The following ERG variants were observed in gnomAD, a reference collection of about 807,000 sequenced individuals.
ERG encodes ETS transcription factor ERG.
ERG carries 9 observed loss-of-function variants against 55.3 expected under a neutral mutation model. That is an observed-to-expected ratio of 0.16 (90% CI 0.10 to 0.28). ERG has a LOEUF of 0.28. Ranked by LOEUF, ERG falls within the 10% of genes least tolerant of loss-of-function variation. The pLI, the probability that ERG is intolerant of heterozygous loss-of-function variation, is 1.00. For synonymous variants in ERG, 223 were observed against 237.3 expected (o/e 0.94, Z 0.55); for missense variants, 434 against 631.6 (o/e 0.69, Z 3.35).
At chr21:38,397,672 G>A (rs954569025) in intron 6 of ERG, among the ~76,000 whole-genome samples, 5 of 151,902 alleles carry the variant, frequency 3.3e-5, no homozygotes, top group African/African-American at 1.2e-4. Flanking sequence ...AGTAACCCAG[G>A]GATGGGTGAC....
chr21:38,447,345 G>A (rs1467657812), intron 1 of ERG, among the ~76,000 whole-genome samples: 2 of 151,406 alleles, frequency 1.3e-5, no homozygotes, highest in Non-Finnish European at 2.9e-5. Flanking sequence ...TGACACCCTG[G>A]GAAAGACTAA....
chr21:38,493,670 T>C (rs1299916977), intron 1 of ERG, among the ~76,000 whole-genome samples: 1 of 152,210 alleles, frequency 6.6e-6, no homozygotes, highest in Admixed American at 6.5e-5. Context: ...TCCAGCAGCC[T>C]CGGCTCAGAA....
chr21:38,445,585 A>G lies in ERG; in HGVS notation c.55T>C (p.Phe19Leu). ...TGTGGCGTTCCGTAGGCACACTCAA[A>G]CAACGACTGGTCCTCACTCACAACT... is the stretch of plus-strand genomic sequence containing the variant. ...LSVVSEDQSL[F>L]ECAYGTPHLA... The change falls in exon 2 of 10, where the codon TTT (phenylalanine) becomes CTT (leucine). Residue 19 changes from phenylalanine to leucine, a missense_variant. Phe to Leu is a conservative substitution (Grantham distance 22). This residue lies in a region of ERG where 212 missense variants were observed against 262.9 expected (regional missense o/e 0.81). Transcript: ENST00000288319. 2 of 1,614,054 alleles carry G rather than the reference A, an allele frequency of 1.2e-6. No homozygotes were observed. Among genetic ancestry groups the G allele is most frequent in the Non-Finnish European group, 1.7e-6 (2 of 1,179,978 alleles).
At chr21:38,480,409 G>C (rs2059226481) in intron 1 of ERG, among the ~76,000 whole-genome samples, 1 of 151,828 alleles carries the variant, frequency 6.6e-6, no homozygotes, top group Non-Finnish European at 1.5e-5. Flanking sequence ...CTCCAGAAGG[G>C]ACCAACCCAG....
chr21:38,444,612 A>G (rs1411244269), intron 2 of ERG, among the ~76,000 whole-genome samples: 2 of 152,098 alleles, frequency 1.3e-5, no homozygotes, highest in Non-Finnish European at 2.9e-5. Flanking sequence ...GGCCAGGGAC[A>G]GTTCTGCATT....
At chr21:38,642,468 C>CTGCCCCAGCCAA (rs6147506) in intron 1 of ERG, among the ~76,000 whole-genome samples, 123,135 of 151,690 alleles carry the variant, frequency 0.81, 50,369 homozygotes, top group African/African-American at 0.93. Flanking sequence ...ACACCCCACC[C>CTGCCCCAGCCAA]TAAATCCATA....
intron 2 of ERG, among the ~76,000 whole-genome samples, chr21:38,536,816 A>C (rs2146785476): frequency 6.6e-6 from 1 of 152,352 alleles, no homozygotes; most frequent in East Asian, 1.9e-4. Context: ...TTGCAAGTTA[A>C]GTCTTCGCAT....
chr21:38,553,609 C>T (rs2146821729), intron 2 of ERG, among the ~76,000 whole-genome samples: 1 of 152,266 alleles, frequency 6.6e-6, no homozygotes, highest in East Asian at 1.9e-4. Flanking sequence ...ATAAATAGTG[C>T]TTGGATAACT....
intron 1 of ERG, among the ~76,000 whole-genome samples, chr21:38,583,144 T>C (rs2060040268): frequency 6.6e-6 from 1 of 152,258 alleles, no homozygotes; most frequent in Non-Finnish European, 1.5e-5. Context: ...GGTGCACTTG[T>C]CCTGGATGAG....
chr21:38,602,183 G>A (rs8128621), intron 1 of ERG, among the ~76,000 whole-genome samples: 35,617 of 152,056 alleles, frequency 0.23, 4,433 homozygotes, highest in East Asian at 0.38. Context: ...GGTGGCTCAC[G>A]CCTGTAATCC....
intron 1 of ERG, among the ~76,000 whole-genome samples, chr21:38,599,747 C>G (rs915118096): frequency 6.6e-6 from 1 of 152,212 alleles, no homozygotes; most frequent in African/African-American, 2.4e-5. Context: ...TTCACTGTAT[C>G]TAGAAGTGAC....
chr21:38,566,084 GA>G (rs2059921004), intron 2 of ERG, among the ~76,000 whole-genome samples: 1 of 152,168 alleles, frequency 6.6e-6, no homozygotes, highest in Non-Finnish European at 1.5e-5. Context: ...AGTGCTCTCA[GA>G]TACTTCCTGG....
upstream of ERG, among the ~76,000 whole-genome samples, chr21:38,586,437 T>C (rs541668031): frequency 3.3e-5 from 5 of 152,186 alleles, no homozygotes; most frequent in South Asian, 1.0e-3. Flanking sequence ...CTAACTGAAA[T>C]TTTGTGTCCT....
At chr21:38,407,555 T>C (rs1201341027) in intron 3 of ERG, among the ~76,000 whole-genome samples, 1 of 150,306 alleles carries the variant, frequency 6.7e-6, no homozygotes, top group Admixed American at 6.6e-5. Context: ...CTATAATAAA[T>C]ATGGAATACT....
At chr21:38,590,677 A>G (rs2060095152) in intron 1 of ERG, among the ~76,000 whole-genome samples, 1 of 151,954 alleles carries the variant, frequency 6.6e-6, no homozygotes, top group Admixed American at 6.6e-5. Context: ...CCATCCATCC[A>G]CCCATCCATC....
chr21:38,613,899 C>T lies in ERG; in HGVS notation c.-149-28954G>A, dbSNP rs192009749. On this transcript the variant is annotated intron_variant, in intron 1 of 10. Coordinates refer to the ERG transcript ENST00000398910. ...TGCCCAGGTCCTGCTGACCAAGCCT[C>T]CTCAGGACACAAGGTCAGTTCAGGA... 2.0e-4 allele frequency among the ~76,000 whole-genome samples: 31 copies of T among 152,320 alleles called. No individual in the cohort carries two copies. In the Middle Eastern group the frequency reaches 0.01, roughly 50 times the overall value.
chr21:38,377,458 T>A (rs1987273590), downstream of ERG, among the ~76,000 whole-genome samples: 1 of 152,168 alleles, frequency 6.6e-6, no homozygotes, highest in Non-Finnish European at 1.5e-5. Context: ...TCTTCACCCT[T>A]AATTTAAAAA....
At chr21:38,457,034 G>T (rs539434635) in intron 1 of ERG, among the ~76,000 whole-genome samples, 3 of 152,178 alleles carry the variant, frequency 2.0e-5, no homozygotes, top group Non-Finnish European at 4.4e-5. Context: ...TAATACATTT[G>T]AACTAGGAGA....
chr21:38,462,037 A>C (rs986444872), intron 1 of ERG, among the ~76,000 whole-genome samples: 2 of 151,748 alleles, frequency 1.3e-5, no homozygotes, highest in Non-Finnish European at 2.9e-5. Flanking sequence ...GCTGGAATGC[A>C]GTGGCGCGAT....
Sources: gnomAD v4.1 joint callset for allele counts (sites outside exome capture counted in the v4.1 genomes callset) on GRCh38, gnomAD v4.1.1 for gene constraint, gnomAD v4.1.1 regional missense constraint, MANE v1.5 for transcripts, NCBI Gene and HGNC (gene_info 2026-07-23, HGNC 2026-07-21) for gene names.